The following ARID2 variants were observed in gnomAD, a reference collection of about 807,000 sequenced individuals.
ARID2 encodes AT-rich interaction domain 2, also known as AT-rich interactive domain-containing protein 2.
Under a neutral mutation model 184.6 loss-of-function variants are expected in ARID2, and 32 were observed. That is an observed-to-expected ratio of 0.17 (90% CI 0.13 to 0.23). ARID2 has a LOEUF of 0.23. ARID2 is among the 10% of genes least tolerant of loss of function. The probability of loss-of-function intolerance (pLI) is 1.00; values close to 1 mark genes in which losing one functional copy is unlikely to be tolerated. For missense variants in ARID2, 1,696 were observed against 2,197.6 expected, an observed-to-expected ratio of 0.77 and a Z score of 4.56; for synonymous variants, 836 against 772.6, an observed-to-expected ratio of 1.08 and a Z score of -1.36.
intron 3 of ARID2, among the ~76,000 whole-genome samples, chr12:45,751,549 T>C (rs1941465505): frequency 6.6e-6 from 1 of 152,230 alleles, no homozygotes; most frequent in Non-Finnish European, 1.5e-5. Flanking sequence ...AGAGTCTTGA[T>C]AGAAGGCTGA....
At chr12:45,832,736 T>TG (rs1943144340) in intron 6 of ARID2, among the ~76,000 whole-genome samples, 1 of 152,144 alleles carries the variant, frequency 6.6e-6, no homozygotes, top group Admixed American at 6.5e-5. Context: ...TGAAAATATT[T>TG]GGGGAAAAAA....
intron 16 of ARID2, among the ~76,000 whole-genome samples, chr12:45,867,027 T>C (rs2138199571): frequency 6.6e-6 from 1 of 152,158 alleles, no homozygotes; most frequent in African/African-American, 2.4e-5. Flanking sequence ...CTCGGCTCAC[T>C]GCAACCTCCA....
intron 16 of ARID2, among the ~76,000 whole-genome samples, chr12:45,876,463 T>C (rs1944010109): frequency 6.6e-6 from 1 of 151,182 alleles, no homozygotes; most frequent in East Asian, 2.0e-4. Context: ...GGCAGGAGAA[T>C]CGTTTGAGCC....
chr12:45,877,990 G>A (rs2138213370), intron 16 of ARID2, among the ~76,000 whole-genome samples: 1 of 152,138 alleles, frequency 6.6e-6, no homozygotes, highest in East Asian at 1.9e-4. Context: ...TGATTTTACT[G>A]GATACAAAAT....
At chr12:45,815,400 A>G (rs893277817) in intron 4 of ARID2, among the ~76,000 whole-genome samples, 30 of 152,206 alleles carry the variant, frequency 2.0e-4, no homozygotes, top group Admixed American at 1.2e-3. Context: ...TAAATATTGT[A>G]AACAATCTGT....
chr12:45,789,545 A>T (rs1942255918), intron 3 of ARID2: 1 of 152,154 alleles, frequency 6.6e-6, no homozygotes, highest in Non-Finnish European at 1.5e-5. Flanking sequence ...ATTTAAATAT[A>T]TATTAAATTA....
intron 3 of ARID2, among the ~76,000 whole-genome samples, chr12:45,732,788 A>T (rs1941027955): frequency 6.6e-6 from 1 of 152,172 alleles, no homozygotes; most frequent in African/African-American, 2.4e-5. Flanking sequence ...AAGTTTTATA[A>T]CCAGAAAGTA....
intron 3 of ARID2, among the ~76,000 whole-genome samples, chr12:45,763,060 G>A (rs1401873960): frequency 6.6e-6 from 1 of 152,180 alleles, no homozygotes; most frequent in Non-Finnish European, 1.5e-5. Flanking sequence ...ATAAGACCAG[G>A]ATTATTTCTC....
At chr12:45,835,368 C>G (rs1943199033) in intron 6 of ARID2, among the ~76,000 whole-genome samples, 1 of 151,694 alleles carries the variant, frequency 6.6e-6, no homozygotes. Context: ...AAAAATGTGC[C>G]TACTTCTTTT....
chr12:45,821,417 T>G lies in ARID2; in HGVS notation c.638-3T>G. ...ATGTACTATTTATTTATTTGTTTTT[T>G]AGCTTTAGGATCCTTTTCCACTGTA... On this transcript the variant is annotated splice_polypyrimidine_tract_variant and splice_region_variant and intron_variant, in intron 5 of 20. Transcript: ENST00000334344. 1 of 1,502,566 alleles carries G rather than the reference T, an allele frequency of 6.7e-7. No homozygotes were observed. The highest frequency in any genetic ancestry group is 8.9e-7 in the Non-Finnish European group (1 of 1,126,956). 93.1% of individuals were successfully genotyped at this position (1,502,566 alleles called of 1,614,324 possible).
chr12:45,852,236 T>C lies in ARID2; in HGVS notation c.4113T>C (p.His1371=), dbSNP rs2138177136. Residue 1371 remains histidine (H), a synonymous_variant, in exon 15 of 21, where the codon CAT becomes CAC. Transcript: ENST00000334344. ...ATTTTGATAAAGGAGATGGTTCTCA[T>C]TTAAGCAAAAACATTCCAAATCATA... ...ICDFDKGDGS[H]LSKNIPNHKT... 1.2e-6 allele frequency: 2 copies of C among 1,614,110 alleles called. No individual in the cohort carries two copies. The highest frequency in any genetic ancestry group is 1.7e-6 in the Non-Finnish European group (2 of 1,180,006).
chr12:45,744,402 G>A (rs1227808235), intron 3 of ARID2, among the ~76,000 whole-genome samples: 1 of 151,394 alleles, frequency 6.6e-6, no homozygotes, highest in Admixed American at 6.6e-5. Flanking sequence ...TTAATCCATA[G>A]GTATTATCTA....
chr12:45,778,071 T>A (rs1474990199), intron 3 of ARID2, among the ~76,000 whole-genome samples: 1 of 151,930 alleles, frequency 6.6e-6, no homozygotes, highest in Non-Finnish European at 1.5e-5. Context: ...CCGGGTGTGG[T>A]GGCAGGCGCC....
At chr12:45,745,191 C>A (rs1226265876) in intron 3 of ARID2, among the ~76,000 whole-genome samples, 1 of 152,110 alleles carries the variant, frequency 6.6e-6, no homozygotes, top group East Asian at 1.9e-4. Flanking sequence ...GCTTTCAGCA[C>A]CTGAAAATTT....
intron 3 of ARID2, among the ~76,000 whole-genome samples, chr12:45,745,236 T>C (rs1237233625): frequency 6.6e-6 from 1 of 152,226 alleles, no homozygotes; most frequent in African/African-American, 2.4e-5. Flanking sequence ...AGTGTGTAGT[T>C]AGCTATAATT....
At chr12:45,889,660 G>T (rs917632620) in intron 16 of ARID2, among the ~76,000 whole-genome samples, 1 of 152,218 alleles carries the variant, frequency 6.6e-6, no homozygotes, top group Non-Finnish European at 1.5e-5. Context: ...TATCGGCCAG[G>T]CACGGTGGCT....
Position 45,905,476 on chromosome 12 carries a change from G to A in ARID2, c.*398G>A, listed in dbSNP as rs1944512385. 4.3e-6 allele frequency: 1 copy of A among 233,900 alleles called. No homozygotes were observed. Among genetic ancestry groups the A allele is most frequent in the Non-Finnish European group, 8.4e-6 (1 of 118,448 alleles). The allele number at this position is 233,900 out of a possible 1,614,324, so 14.5% of individuals were successfully genotyped here. A position where few individuals can be genotyped will look rare whatever the true frequency, so the allele number is the denominator to read the frequency against. On this transcript the variant is annotated 3_prime_UTR_variant, in exon 21 of 21. Transcript: ENST00000334344. Reference sequence around the variant, plus strand: ...AAATATTTTTATCTATATCCAAAAAGGAGCACATTTTTATATTTACAAAAC... The same window carrying A: ...AAATATTTTTATCTATATCCAAAAAAGAGCACATTTTTATATTTACAAAAC...
chr12:45,809,875 A>G lies in ARID2; in HGVS notation c.285-1543A>G, dbSNP rs7980089. Among the ~76,000 whole-genome samples the G allele has an allele frequency of 1.7e-3, 255 of 152,310 alleles. 2 individuals are homozygous for G. Among genetic ancestry groups the G allele is most frequent in the Admixed American group, 4.6e-3 (70 of 15,292 alleles). On this transcript the variant is annotated intron_variant, in intron 3 of 20. Coordinates refer to ENST00000334344, the MANE Select transcript of ARID2 (RefSeq NM_152641.4). Reference sequence around the variant, plus strand: ...TTTCATGTCATTAGTTTTTATATTTATAAAATTATAGCTTCCATTCATCCC... The same window carrying G: ...TTTCATGTCATTAGTTTTTATATTTGTAAAATTATAGCTTCCATTCATCCC...
rs772075284 is a variant in ARID2, at chr12:45,891,780, G to A, written c.4923G>A (p.Lys1641=). 1 of 1,612,256 alleles carries A rather than the reference G, an allele frequency of 6.2e-7. No individual in the cohort carries two copies. The highest frequency in any genetic ancestry group is 8.5e-7 in the Non-Finnish European group (1 of 1,179,538). ...NFMCLWQSCK[K]WFQTPSQVFY... ...TGTCTACTACTTTTATTTTTTATAG[G>A]TGGTTTCAGACACCCTCACAGGTTT... is the stretch of plus-strand genomic sequence containing the variant. Residue 1641 remains lysine, a splice_region_variant and synonymous_variant, in exon 17 of 21, where the codon AAG becomes AAA. Transcript: ENST00000334344.
Sources: gnomAD v4.1 joint callset for allele counts (sites outside exome capture counted in the v4.1 genomes callset) on GRCh38, gnomAD v4.1.1 for gene constraint, MANE v1.5 for transcripts, NCBI Gene and HGNC (gene_info 2026-07-23, HGNC 2026-07-21) for gene names.